Variants in PLEKHA7 observed in about 807,000 individuals in gnomAD.
PLEKHA7 encodes pleckstrin homology domain-containing family A member 7.
A neutral mutation model predicts 170.0 loss-of-function variants in PLEKHA7; 104 were observed. The observed-to-expected ratio is 0.61, with a 90% CI of 0.52 to 0.72. The LOEUF is 0.72. Ranked by LOEUF, PLEKHA7 falls within the 30% of genes least tolerant of loss-of-function variation. The pLI is 0.00. For missense variants in PLEKHA7, 1,615 were observed against 1,671.7 expected, an observed-to-expected ratio of 0.97 and a Z score of 0.59; for synonymous variants, 648 against 660.8, an observed-to-expected ratio of 0.98 and a Z score of 0.30.
intron 3 of PLEKHA7, among the ~76,000 whole-genome samples, chr11:16,956,441 G>A (rs1861707881): frequency 6.6e-6 from 1 of 152,168 alleles, no homozygotes; most frequent in Admixed American, 6.5e-5. Flanking sequence ...TTCCCAGAGG[G>A]GAGAAGTACC....
chr11:16,912,769 A>G (rs1394341850), intron 3 of PLEKHA7, among the ~76,000 whole-genome samples: 4 of 152,266 alleles, frequency 2.6e-5, no homozygotes, highest in South Asian at 4.1e-4. Context: ...TTCAGGCTCC[A>G]TCTCCTCTGG....
intron 3 of PLEKHA7, among the ~76,000 whole-genome samples, chr11:16,959,478 T>C (rs1205262177): frequency 6.6e-6 from 1 of 152,204 alleles, no homozygotes; most frequent in Non-Finnish European, 1.5e-5. Context: ...CCAAGAAATG[T>C]GCCTACATGC....
intron 10 of PLEKHA7, among the ~76,000 whole-genome samples, chr11:16,822,535 G>A (rs1307646363): frequency 6.8e-6 from 1 of 147,284 alleles, no homozygotes; most frequent in East Asian, 2.0e-4. Context: ...AAGGAAAGAA[G>A]GCACCACGCC....
At chr11:16,919,976 G>A (rs1210929809) in intron 3 of PLEKHA7, among the ~76,000 whole-genome samples, 2 of 152,066 alleles carry the variant, frequency 1.3e-5, no homozygotes, top group Non-Finnish European at 2.9e-5. Flanking sequence ...ACTTACTTTT[G>A]TAATGGGACA....
At chr11:16,934,437 G>T (rs10832703) in intron 3 of PLEKHA7, among the ~76,000 whole-genome samples, 6,889 of 152,252 alleles carry the variant, frequency 0.045, 225 homozygotes, top group Non-Finnish European at 0.072. Context: ...TCAAAGTTCA[G>T]CTGAAATGTC....
intron 6 of PLEKHA7, among the ~76,000 whole-genome samples, chr11:16,853,838 C>T (rs1055752850): frequency 6.6e-6 from 1 of 152,158 alleles, no homozygotes; most frequent in South Asian, 2.1e-4. Context: ...TGCCATGGGG[C>T]CAGAGCTGCA....
At chr11:16,802,658 C>T (rs945165455) in intron 15 of PLEKHA7, among the ~76,000 whole-genome samples, 3 of 151,996 alleles carry the variant, frequency 2.0e-5, no homozygotes, top group Non-Finnish European at 1.5e-5. Context: ...AGCAATTCTT[C>T]TGCCTCAGCC....
At chr11:16,907,160 T>TGG (rs758170721) in intron 3 of PLEKHA7, among the ~76,000 whole-genome samples, 4 of 82,228 alleles carry the variant, frequency 4.9e-5, no homozygotes, top group South Asian at 4.8e-4. Context: ...GGAAGGGAGG[T>TGG]GGGGGGGTTA....
intron 17 of PLEKHA7, among the ~76,000 whole-genome samples, chr11:16,798,680 G>A (rs1197983426): frequency 6.6e-6 from 1 of 152,192 alleles, no homozygotes; most frequent in Non-Finnish European, 1.5e-5. Context: ...AATAGGTCCA[G>A]TACTTTCATT....
intron 3 of PLEKHA7, among the ~76,000 whole-genome samples, chr11:16,892,751 A>G (rs909844091): frequency 6.6e-6 from 1 of 151,230 alleles, no homozygotes; most frequent in African/African-American, 2.4e-5. Flanking sequence ...AATTACATGC[A>G]TGAGCCACTG....
chr11:16,873,007 A>G (rs1480003765), intron 3 of PLEKHA7, among the ~76,000 whole-genome samples: 6 of 152,132 alleles, frequency 3.9e-5, no homozygotes, highest in Admixed American at 6.5e-5. Flanking sequence ...ATCTCTTTCA[A>G]TGTAATTTGA....
intron 3 of PLEKHA7, among the ~76,000 whole-genome samples, chr11:16,995,874 T>C (rs1194653541): frequency 1.3e-5 from 2 of 152,160 alleles, no homozygotes; most frequent in African/African-American, 4.8e-5. Flanking sequence ...ACACGTAAAA[T>C]TGGACATTTT....
rs577551167 is a variant in PLEKHA7 at position 16,899,011 on chromosome 11, C to G, written c.222-27829G>C. ...GATGCCAATTCTTCCCTAAATTAATCTATATATTCAATGTGAAACCAATCA... is the reference window on the plus strand; with the variant it reads ...GATGCCAATTCTTCCCTAAATTAATGTATATATTCAATGTGAAACCAATCA... On this transcript the variant is annotated intron_variant, in intron 3 of 26. Coordinates refer to ENST00000531066, the MANE Select transcript of PLEKHA7 (RefSeq NM_001329630.2). 2.0e-5 allele frequency among the ~76,000 whole-genome samples: 3 copies of G among 152,296 alleles called. No homozygotes were observed. In the South Asian group the frequency reaches 6.2e-4, roughly 32 times the overall value.
At chr11:16,972,745 CCTT>C (rs1163782638) in intron 3 of PLEKHA7, among the ~76,000 whole-genome samples, 1 of 152,138 alleles carries the variant, frequency 6.6e-6, no homozygotes, top group African/African-American at 2.4e-5. Flanking sequence ...AATCTTGCCT[CCTT>C]CTTGTTTTCC....
At chr11:16,862,345 T>C (rs1466476955) in intron 4 of PLEKHA7, among the ~76,000 whole-genome samples, 2 of 152,156 alleles carry the variant, frequency 1.3e-5, no homozygotes, top group African/African-American at 4.8e-5. Context: ...CACAAGTCCT[T>C]TTCTGTTGTA....
intron 3 of PLEKHA7, among the ~76,000 whole-genome samples, chr11:16,989,550 T>C (rs1305222865): frequency 6.6e-6 from 1 of 152,216 alleles, no homozygotes; most frequent in Non-Finnish European, 1.5e-5. Flanking sequence ...TGACCGTAAG[T>C]TCCACACCAC....
At chr11:16,999,733 G>A (rs1864553677) in intron 3 of PLEKHA7, among the ~76,000 whole-genome samples, 1 of 152,204 alleles carries the variant, frequency 6.6e-6, no homozygotes, top group Admixed American at 6.5e-5. Context: ...CTTCAGACAG[G>A]CTATCGCATT....
At chr11:16,959,665 C>T (rs1044096519) in intron 3 of PLEKHA7, among the ~76,000 whole-genome samples, 6 of 152,178 alleles carry the variant, frequency 3.9e-5, no homozygotes, top group African/African-American at 7.2e-5. Context: ...TCCGTGAAAC[C>T]ACAGTGGTAT....
chr11:16,984,770 T>G (rs564116105), intron 3 of PLEKHA7, among the ~76,000 whole-genome samples: 2 of 152,362 alleles, frequency 1.3e-5, no homozygotes, highest in East Asian at 3.9e-4. Flanking sequence ...TTGTTCACTA[T>G]CCCATCCCAG....
Sources: gnomAD v4.1 joint callset for allele counts (sites outside exome capture counted in the v4.1 genomes callset) on GRCh38, gnomAD v4.1.1 for gene constraint, MANE v1.5 for transcripts, NCBI Gene and HGNC (gene_info 2026-07-23, HGNC 2026-07-21) for gene names.